The following TAFA5 variants were observed in gnomAD, a reference collection of about 807,000 sequenced individuals.
TAFA5 encodes the protein TAFA chemokine like family member 5, also known as chemokine-like protein TAFA-5.
In TAFA5, 6 loss-of-function variants were observed where a neutral mutation model predicts 15.3. The ratio of observed to expected loss-of-function variants is 0.39; its 90% CI spans 0.21 to 0.77. The LOEUF (loss-of-function observed/expected upper bound fraction) is 0.77. Ranked by LOEUF, TAFA5 falls within the 30% of genes least tolerant of loss-of-function variation. TAFA5 has a pLI of 0.41. For synonymous variants in TAFA5, 103 were observed against 80.7 expected (o/e 1.28, Z -1.48); for missense variants, 161 against 193.1 (o/e 0.83, Z 0.98).
intron 1 of TAFA5, among the ~76,000 whole-genome samples, chr22:48,612,364 C>T (rs934849991): frequency 6.6e-6 from 1 of 152,178 alleles, no homozygotes; most frequent in African/African-American, 2.4e-5. Flanking sequence ...ACAGCCTGTG[C>T]GCGTCTTGGG....
intron 2 of TAFA5, among the ~76,000 whole-genome samples, chr22:48,699,968 A>C (rs2147245256): frequency 6.6e-6 from 1 of 152,156 alleles, no homozygotes; most frequent in Middle Eastern, 3.4e-3. Flanking sequence ...TGGAATTTAC[A>C]CGGGGTATTG....
At chr22:48,680,217 C>T (rs1196692349) in intron 2 of TAFA5, among the ~76,000 whole-genome samples, 1 of 152,258 alleles carries the variant, frequency 6.6e-6, no homozygotes, top group Non-Finnish European at 1.5e-5. Flanking sequence ...GTCTTCTTTG[C>T]TGGAAGCAGA....
intron 1 of TAFA5, among the ~76,000 whole-genome samples, chr22:48,609,537 C>T (rs368255376): frequency 5.9e-5 from 9 of 152,162 alleles, no homozygotes; most frequent in East Asian, 3.9e-4. Context: ...CCTCTGTCCA[C>T]GCCTCTGTCC....
intron 1 of TAFA5, among the ~76,000 whole-genome samples, chr22:48,503,346 G>A (rs751064745): frequency 6.6e-6 from 1 of 152,258 alleles, no homozygotes; most frequent in African/African-American, 2.4e-5. Context: ...GGGCCCCTGA[G>A]GGCAGATACC....
At chr22:48,630,038 C>G (rs982569327) in intron 1 of TAFA5, among the ~76,000 whole-genome samples, 1 of 152,220 alleles carries the variant, frequency 6.6e-6, no homozygotes, top group Admixed American at 6.5e-5. Context: ...CCAGAGAAGC[C>G]AATCCCAGCC....
intron 2 of TAFA5, among the ~76,000 whole-genome samples, chr22:48,692,721 T>C (rs1349282771): frequency 2.6e-5 from 4 of 152,332 alleles, no homozygotes; most frequent in South Asian, 2.1e-4. Flanking sequence ...TGTGGAGTAG[T>C]ATTTAAAACG....
intron 1 of TAFA5, among the ~76,000 whole-genome samples, chr22:48,515,597 C>T (rs995921224): frequency 4.6e-5 from 7 of 152,194 alleles, no homozygotes; most frequent in African/African-American, 2.4e-5. Context: ...AGGGACCTCT[C>T]TTTTCACAGT....
At chr22:48,608,417 G>A (rs376794909) in intron 1 of TAFA5, among the ~76,000 whole-genome samples, 2 of 152,122 alleles carry the variant, frequency 1.3e-5, no homozygotes, top group East Asian at 3.9e-4. Context: ...TCATGAACAC[G>A]TGATACTGTT....
intron 2 of TAFA5, among the ~76,000 whole-genome samples, chr22:48,683,255 G>A (rs577333595): frequency 1.6e-4 from 24 of 152,208 alleles, no homozygotes; most frequent in African/African-American, 5.5e-4. Flanking sequence ...TTCCTCCCAC[G>A]TAATAAAGAC....
At chr22:48,725,653 A>G (rs1318369888) in intron 3 of TAFA5, among the ~76,000 whole-genome samples, 1 of 152,068 alleles carries the variant, frequency 6.6e-6, no homozygotes, top group Non-Finnish European at 1.5e-5. Flanking sequence ...GCTGCAAATA[A>G]CATAAATATA....
At chr22:48,544,884 G>T in intron 1 of TAFA5, 1 of 470,096 alleles carries the variant, frequency 2.1e-6, no homozygotes, top group Non-Finnish European at 4.4e-6. Context: ...AGCCAGACTC[G>T]GGGCTGAAGT....
chr22:48,684,364 T>C (rs1231185643), intron 2 of TAFA5, among the ~76,000 whole-genome samples: 1 of 152,016 alleles, frequency 6.6e-6, no homozygotes, highest in African/African-American at 2.4e-5. Context: ...GAGGCAGCCG[T>C]GAAGCGTGAT....
chr22:48,620,984 A>C (rs898670378), intron 1 of TAFA5, among the ~76,000 whole-genome samples: 2,837 of 64,770 alleles, frequency 0.044, no homozygotes, highest in East Asian at 0.081. Flanking sequence ...TCATCCATCC[A>C]CCCACCCACC....
chr22:48,573,652 C>A (rs1247042083), intron 1 of TAFA5, among the ~76,000 whole-genome samples: 2 of 152,172 alleles, frequency 1.3e-5, no homozygotes, highest in Admixed American at 1.3e-4. Context: ...ATGGTGGTCC[C>A]CCAACATTAG....
intron 2 of TAFA5, among the ~76,000 whole-genome samples, chr22:48,704,028 C>T (rs61066189): frequency 3.9e-5 from 6 of 152,200 alleles, no homozygotes; most frequent in African/African-American, 7.2e-5. Context: ...TCTGAGGCCC[C>T]GTTCAGCTCA....
At chr22:48,555,283 C>T (rs1381851397) in intron 1 of TAFA5, among the ~76,000 whole-genome samples, 2 of 152,204 alleles carry the variant, frequency 1.3e-5, no homozygotes, top group Non-Finnish European at 2.9e-5. Flanking sequence ...GCGGCACGAC[C>T]GGCTTCCCAG....
intron 2 of TAFA5, among the ~76,000 whole-genome samples, chr22:48,680,209 C>G (rs1182565740): frequency 6.6e-6 from 1 of 152,254 alleles, no homozygotes; most frequent in East Asian, 1.9e-4. Context: ...TCCGGCCTGT[C>G]TTCTTTGCTG....
chr22:48,538,995 C>G (rs6008752), intron 1 of TAFA5: 149,639 of 183,834 alleles, frequency 0.81, 61,212 homozygotes, highest in African/African-American at 0.89. Flanking sequence ...ACGTATTTGT[C>G]GGGGGGATAC....
chr22:48,608,031 A>G (rs116031381), intron 1 of TAFA5, among the ~76,000 whole-genome samples: 18,804 of 150,630 alleles, frequency 0.12, 1,293 homozygotes, highest in African/African-American at 0.16. Context: ...TCACACCACG[A>G]CAGCTCAGGG....
Sources: allele counts gnomAD v4.1 joint callset (sites outside exome capture counted in the v4.1 genomes callset), GRCh38; gene constraint gnomAD v4.1.1; transcripts MANE v1.5; gene names NCBI Gene and HGNC (gene_info 2026-07-23, HGNC 2026-07-21).